The following CDH10 variants were observed in gnomAD, a reference collection of about 807,000 sequenced individuals.
The protein encoded by CDH10 is cadherin-10.
CDH10 carries 30 observed loss-of-function variants against 73.1 expected under a neutral mutation model. The observed-to-expected ratio is 0.41, with a 90% CI of 0.31 to 0.56. The LOEUF (loss-of-function observed/expected upper bound fraction) is 0.56, where lower values mean the gene tolerates loss of function less well. Among genes scored for constraint, CDH10 ranks in the 20% least tolerant of loss-of-function variants. The pLI is 0.27. For synonymous variants in CDH10, 345 were observed against 348.2 expected (o/e 0.99, Z 0.10); for missense variants, 815 against 973.7 (o/e 0.84, Z 2.17).
At chr5:24,548,772 C>T (rs888541015) in intron 2 of CDH10, among the ~76,000 whole-genome samples, 3 of 152,116 alleles carry the variant, frequency 2.0e-5, no homozygotes, top group African/African-American at 7.2e-5. Context: ...ACTCTGGAGT[C>T]TTTGTGTTCT....
intron 8 of CDH10, among the ~76,000 whole-genome samples, chr5:24,502,543 G>A (rs995851694): frequency 6.6e-6 from 1 of 152,074 alleles, no homozygotes; most frequent in African/African-American, 2.4e-5. Context: ...AGAATAATGG[G>A]ATCCTGGCTG....
chr5:24,586,840 A>ATTTTTTTT (rs1746023448), intron 2 of CDH10, among the ~76,000 whole-genome samples: 3 of 100,604 alleles, frequency 3.0e-5, no homozygotes, highest in African/African-American at 1.5e-4. Flanking sequence ...GATAGCCCAT[A>ATTTTTTTT]TTCTTTTTTT....
chr5:24,590,516 C>T (rs1746163968), intron 2 of CDH10, among the ~76,000 whole-genome samples: 1 of 151,788 alleles, frequency 6.6e-6, no homozygotes, highest in Non-Finnish European at 1.5e-5. Flanking sequence ...GTGGCAAAAA[C>T]AATGTCACAT....
intron 5 of CDH10, among the ~76,000 whole-genome samples, chr5:24,513,697 A>AT (rs11373719): frequency 0.014 from 2,151 of 152,100 alleles, 50 homozygotes; most frequent in African/African-American, 0.049. Flanking sequence ...TGTATCCTTC[A>AT]TTTTTTCTAT....
At chr5:24,495,936 T>C (rs77896115) in intron 9 of CDH10, among the ~76,000 whole-genome samples, 6,126 of 151,820 alleles carry the variant, frequency 0.04, 195 homozygotes, top group Non-Finnish European at 0.064. Context: ...GTAATAAGCA[T>C]AGAATTGATT....
chr5:24,588,349 A>G (rs902888913), intron 2 of CDH10, among the ~76,000 whole-genome samples: 1 of 152,186 alleles, frequency 6.6e-6, no homozygotes, highest in Non-Finnish European at 1.5e-5. Flanking sequence ...TCTAACCACT[A>G]AAAGCAGGTT....
chr5:24,557,336 T>C (rs969009028), intron 2 of CDH10, among the ~76,000 whole-genome samples: 4 of 151,802 alleles, frequency 2.6e-5, no homozygotes, highest in Non-Finnish European at 5.9e-5. Context: ...TGTGATTTTT[T>C]TCTTTCTACC....
chr5:24,611,656 G>A (rs1181326835), intron 1 of CDH10, among the ~76,000 whole-genome samples: 4 of 151,876 alleles, frequency 2.6e-5, no homozygotes, highest in Admixed American at 2.6e-4. Context: ...CCTTCCTCCT[G>A]GTATGCAAAC....
chr5:24,557,157 A>C (rs1236043746), intron 2 of CDH10, among the ~76,000 whole-genome samples: 2 of 150,192 alleles, frequency 1.3e-5, no homozygotes, highest in African/African-American at 4.9e-5. Context: ...TATATTCTGT[A>C]ACTTTAAACA....
At chr5:24,559,901 T>A (rs1744896125) in intron 2 of CDH10, among the ~76,000 whole-genome samples, 1 of 152,152 alleles carries the variant, frequency 6.6e-6, no homozygotes, top group Non-Finnish European at 1.5e-5. Context: ...ATATGGCTTT[T>A]GGCCAGAAGA....
At chr5:24,527,298 T>C (rs2111841923) in intron 5 of CDH10, among the ~76,000 whole-genome samples, 1 of 147,728 alleles carries the variant, frequency 6.8e-6, no homozygotes, top group African/African-American at 2.5e-5. Context: ...CTTATATATA[T>C]TTATATAATT....
rs371189226 is a variant in CDH10, at chr5:24,560,363, C to A, written c.232-22689G>T. 2.6e-5 allele frequency among the ~76,000 whole-genome samples: 4 copies of A among 151,878 alleles called. No homozygotes were observed. The South Asian group carries it at 8.3e-4, about 31-fold the overall frequency. On this transcript the variant is annotated intron_variant, in intron 2 of 11. Coordinates refer to ENST00000264463, the MANE Select transcript of CDH10 (RefSeq NM_006727.5). ...ACCACCAACCCACCAAGGCACATGGCCAACATGTAATTACAACTTACACTG... is the reference window on the plus strand; with the variant it reads ...ACCACCAACCCACCAAGGCACATGGACAACATGTAATTACAACTTACACTG...
At chr5:24,513,796 G>C (rs563635948) in intron 5 of CDH10, among the ~76,000 whole-genome samples, 168 of 152,046 alleles carry the variant, frequency 1.1e-3, no homozygotes, top group African/African-American at 3.7e-3. Context: ...ATTCTTCTTG[G>C]AACACCTGTC....
At chr5:24,612,961 T>C (rs1746997870) in intron 1 of CDH10, 2 of 152,166 alleles carry the variant, frequency 1.3e-5, no homozygotes, top group South Asian at 4.1e-4. Flanking sequence ...TTGCAACACA[T>C]TGAGGACACA....
intron 2 of CDH10, among the ~76,000 whole-genome samples, chr5:24,558,196 TG>T (rs1482573304): frequency 2.0e-4 from 11 of 53,742 alleles, no homozygotes; most frequent in African/African-American, 7.5e-4. Context: ...GAGAATTATT[TG>T]TGTTTGGGGT....
intron 2 of CDH10, among the ~76,000 whole-genome samples, chr5:24,540,127 G>A (rs1031281936): frequency 6.6e-6 from 1 of 151,818 alleles, no homozygotes; most frequent in Non-Finnish European, 1.5e-5. Flanking sequence ...TTGTGAAATG[G>A]AAATTCACAA....
At chr5:24,643,306 T>A (rs1213267545) in intron 1 of CDH10, among the ~76,000 whole-genome samples, 1 of 152,032 alleles carries the variant, frequency 6.6e-6, no homozygotes, top group East Asian at 1.9e-4. Flanking sequence ...TGACATAATG[T>A]TTTCATGAAA....
chr5:24,571,489 C>A (rs1745378987), intron 2 of CDH10, among the ~76,000 whole-genome samples: 1 of 151,868 alleles, frequency 6.6e-6, no homozygotes, highest in Non-Finnish European at 1.5e-5. Flanking sequence ...GCATTATTAC[C>A]CAGTCTGGAG....
chr5:24,563,597 C>A (rs142687351), intron 2 of CDH10, among the ~76,000 whole-genome samples: 2,924 of 88,670 alleles, frequency 0.033, 98 homozygotes, highest in East Asian at 0.12. Flanking sequence ...ACTAAAAATA[C>A]AAAAAAAAAA....
Sources: allele counts gnomAD v4.1 joint callset (sites outside exome capture counted in the v4.1 genomes callset), GRCh38; gene constraint gnomAD v4.1.1; transcripts MANE v1.5; gene names NCBI Gene and HGNC (gene_info 2026-07-23, HGNC 2026-07-21).